The following CCDC77 variants were observed in gnomAD, a reference collection of about 807,000 sequenced individuals.
CCDC77 encodes coiled-coil domain-containing protein 77.
A neutral mutation model predicts 66.8 loss-of-function variants in CCDC77; 56 were observed. The observed-to-expected ratio is 0.84, with a 90% CI of 0.68 to 1.05. The LOEUF is 1.05. Among genes scored for constraint, CCDC77 ranks in the 50% least tolerant of loss-of-function variants. CCDC77 has a pLI of 0.00. For synonymous variants in CCDC77, 196 were observed against 195.2 expected (o/e 1.00, Z -0.03); for missense variants, 570 against 576.8 (o/e 0.99, Z 0.12).
At chr12:435,814 C>A (rs1047529432) in intron 9 of CCDC77, among the ~76,000 whole-genome samples, 3 of 152,196 alleles carry the variant, frequency 2.0e-5, no homozygotes, top group Admixed American at 2.0e-4. Flanking sequence ...TCATAGCTTA[C>A]TGCAGCCTTG....
chr12:414,239 C>A (rs1191651547), intron 4 of CCDC77, among the ~76,000 whole-genome samples: 1 of 151,206 alleles, frequency 6.6e-6, no homozygotes, highest in African/African-American at 2.5e-5. Context: ...TTATAGGTGC[C>A]CACCACCACA....
chr12:428,464 C>T (rs560273879), intron 5 of CCDC77, among the ~76,000 whole-genome samples: 76 of 138,894 alleles, frequency 5.5e-4, no homozygotes, highest in Middle Eastern at 4.2e-3. Flanking sequence ...TGAGCCAAGA[C>T]CGCACCATTG....
chr12:404,889 A>T (rs1191389409), intron 1 of CCDC77, among the ~76,000 whole-genome samples: 1 of 151,936 alleles, frequency 6.6e-6, no homozygotes, highest in East Asian at 1.9e-4. Context: ...TGCCCAGCTA[A>T]CTTTGTATTT....
In CCDC77 at chr12:433,225, C is replaced by G; in HGVS notation, c.724C>G (p.Gln242Glu). 6.2e-7 allele frequency: 1 copy of G among 1,613,950 alleles called. No individual in the cohort carries two copies. The highest frequency in any genetic ancestry group is 8.5e-7 in the Non-Finnish European group (1 of 1,179,980). ...LGEQTKLSRE[Q>E]IEGLIEDRRI... The stretch of plus-strand genomic sequence containing the variant: ...AGAGCAGACCAAACTTTCTCGAGAA[C>G]AAATTGAAGGGCTCATCGAGGACAG... Residue 242 changes from glutamine (Q) to glutamate (E), a missense_variant, in exon 9 of 13, where the codon CAA (glutamine) becomes GAA (glutamate). Transcript: ENST00000239830.
At chr12:432,835 G>A (rs1427846388) in intron 8 of CCDC77, among the ~76,000 whole-genome samples, 2 of 152,156 alleles carry the variant, frequency 1.3e-5, no homozygotes, top group African/African-American at 4.8e-5. Context: ...CCAAAAGTTC[G>A]AGACCAGCCT....
At chr12:413,413 A>AT (rs1246220501) in intron 4 of CCDC77, among the ~76,000 whole-genome samples, 1 of 128,966 alleles carries the variant, frequency 7.8e-6, no homozygotes, top group South Asian at 2.5e-4. Context: ...ATTTTTTTGT[A>AT]TTTTTTTAGT....
At chr12:404,472 T>C (rs1944955482) in intron 1 of CCDC77, among the ~76,000 whole-genome samples, 1 of 152,126 alleles carries the variant, frequency 6.6e-6, no homozygotes, top group Admixed American at 6.6e-5. Flanking sequence ...TTAGATGTCA[T>C]AGTAGAAGCC....
Position 418,566 on chromosome 12 carries a change from C to G in CCDC77, c.343C>G (p.Gln115Glu), listed in dbSNP as rs112747420. Residue 115 changes from glutamine to glutamate, a missense_variant, in exon 5 of 13, where the codon CAG becomes GAG. Coordinates refer to ENST00000239830, the MANE Select transcript of CCDC77 (RefSeq NM_032358.4). ...ATTGCAGAAAGCTCTAAGTGATATG[C>G]AGGTCTGCCTCTTCCAGGAACGGGA... Reference protein sequence around the residue: ...AELQKALSDMQVCLFQEREHV... With the variant: ...AELQKALSDMEVCLFQEREHV... 7.2e-4 allele frequency: 1,157 copies of G among 1,613,754 alleles called. 10 individuals carry two copies. In the African/African-American group the frequency reaches 0.014, roughly 19 times the overall value.
chr12:394,545 T>C (rs1000250492), intron 1 of CCDC77, among the ~76,000 whole-genome samples: 4 of 152,238 alleles, frequency 2.6e-5, no homozygotes, highest in African/African-American at 9.6e-5. Context: ...AGCATCTTAG[T>C]ATTACCACGG....
chr12:429,479 G>A (rs80319270), intron 6 of CCDC77, among the ~76,000 whole-genome samples: 16 of 81,228 alleles, frequency 2.0e-4, no homozygotes, highest in African/African-American at 6.9e-4. Context: ...TTTTTTTTTT[G>A]AGACAAAGTC....
At chr12:415,227 C>A (rs1386616634) in intron 4 of CCDC77, among the ~76,000 whole-genome samples, 1 of 149,926 alleles carries the variant, frequency 6.7e-6, no homozygotes, top group African/African-American at 2.5e-5. Context: ...GACTTGTATG[C>A]TCTCCCTTTC....
At chr12:396,772 T>C (rs1414575159), upstream of CCDC77, among the ~76,000 whole-genome samples, 2 of 152,218 alleles carry the variant, frequency 1.3e-5, no homozygotes, top group South Asian at 2.1e-4. Flanking sequence ...GTTCAGGAGA[T>C]GACCACATCA....
intron 1 of CCDC77, among the ~76,000 whole-genome samples, chr12:390,888 G>T (rs1309637621): frequency 1.3e-5 from 2 of 152,148 alleles, no homozygotes; most frequent in Admixed American, 6.5e-5. Flanking sequence ...TCTCCACATG[G>T]CTTCTCATCT....
chr12:435,408 C>T (rs909175610), intron 9 of CCDC77, among the ~76,000 whole-genome samples: 1 of 152,248 alleles, frequency 6.6e-6, no homozygotes, highest in African/African-American at 2.4e-5. Context: ...GTTTCCCAAG[C>T]TTGAAACCAC....
rs1944711661 is a variant in CCDC77, at chr12:389,571, C to CAAGGCGGGGCGAGGCGG, written c.-113+87_-113+88insGGCGGGGCGAGGCGGAA. 12 of 224,044 alleles carry CAAGGCGGGGCGAGGCGG rather than the reference C, an allele frequency of 5.4e-5. No individual in the cohort carries two copies. In the South Asian group the frequency reaches 7.6e-4, roughly 14 times the overall value. 13.9% of individuals were successfully genotyped at this position (224,044 alleles called of 1,614,324 possible). On this transcript the variant is annotated intron_variant, in intron 1 of 11. Coordinates refer to the CCDC77 transcript ENST00000422000. ...CGACGGGGCGAGGCGGGGCGAGGCGCAACGAGGCGGGGCGAGGCGCGACGC... is the reference window on the plus strand; with the variant it reads ...CGACGGGGCGAGGCGGGGCGAGGCGCAAGGCGGGGCGAGGCGGAACGAGGCGGGGCGAGGCGCGACGC...
chr12:411,735 A>T lies in CCDC77; in HGVS notation c.39-12A>T. 1.2e-6 allele frequency: 2 copies of T among 1,604,204 alleles called. No homozygotes were observed. Among genetic ancestry groups the T allele is most frequent in the Non-Finnish European group, 1.7e-6 (2 of 1,173,652 alleles). On this transcript the variant is annotated splice_polypyrimidine_tract_variant and intron_variant, in intron 3 of 12. Transcript: ENST00000239830. ...AGAGTGTGATGAATATATCATTTCT[A>T]ATTTCACGTAGGCGAACAGTTGTCT...
intron 3 of CCDC77, 128 bp from the exon 4 acceptor site, chr12:411,619 A>G (rs1303915093): frequency 5.1e-6 from 4 of 781,666 alleles, no homozygotes; most frequent in East Asian, 2.7e-5. Flanking sequence ...TGCCTGTCCA[A>G]ACTTCCAAAT....
intron 4 of CCDC77, among the ~76,000 whole-genome samples, chr12:417,622 A>C (rs1242311141): frequency 6.6e-6 from 1 of 152,182 alleles, no homozygotes; most frequent in Admixed American, 6.6e-5. Flanking sequence ...ATTACTAAAA[A>C]AGTGTGGATA....
chr12:432,011 G>T, intron 8 of CCDC77, 57 bp downstream of exon 8: 1 of 976,266 alleles, frequency 1.0e-6, no homozygotes, highest in Non-Finnish European at 1.6e-6. Context: ...GCAGCTCTAT[G>T]TCACATACCC....
Sources: gnomAD v4.1 joint callset for allele counts (sites outside exome capture counted in the v4.1 genomes callset) on GRCh38, gnomAD v4.1.1 for gene constraint, MANE v1.5 for transcripts, NCBI Gene and HGNC (gene_info 2026-07-23, HGNC 2026-07-21) for gene names.